OPCML: variants seen among roughly 807,000 people sequenced by gnomAD.
OPCML encodes opioid binding protein/cell adhesion molecule like.
OPCML carries 13 observed loss-of-function variants against 37.8 expected under a neutral mutation model. The observed-to-expected ratio is 0.34, with a 90% CI of 0.22 to 0.55. OPCML has a LOEUF of 0.55. OPCML is among the 20% of genes least tolerant of loss of function. The pLI is 0.91. For missense variants in OPCML, 341 were observed against 435.6 expected (o/e 0.78, Z 1.93); for synonymous variants, 176 against 168.8 (o/e 1.04, Z -0.33).
intron 1 of OPCML, among the ~76,000 whole-genome samples, chr11:133,125,291 A>C (rs1164709630): frequency 2.6e-5 from 4 of 152,216 alleles, no homozygotes; most frequent in South Asian, 2.1e-4. Context: ...AATCAAAGCC[A>C]TTCCCAGTGT....
At chr11:133,351,717 A>G (rs1944141508) in intron 1 of OPCML, among the ~76,000 whole-genome samples, 1 of 152,152 alleles carries the variant, frequency 6.6e-6, no homozygotes. Context: ...TTTCCTGAAC[A>G]CAAAATTCAT....
intron 7 of OPCML, among the ~76,000 whole-genome samples, chr11:132,427,999 G>A (rs929238635): frequency 1.3e-4 from 20 of 152,278 alleles, no homozygotes; most frequent in Non-Finnish European, 1.2e-4. Flanking sequence ...TTTAAATTGT[G>A]GAGTTGAAAA....
At chr11:132,456,481 G>A (rs1402620664) in intron 4 of OPCML, among the ~76,000 whole-genome samples, 3 of 152,162 alleles carry the variant, frequency 2.0e-5, no homozygotes, top group Admixed American at 6.5e-5. Flanking sequence ...AAATACCCTC[G>A]TGATCTGTCT....
At chr11:133,493,633 A>C (rs1445180862) in intron 1 of OPCML, among the ~76,000 whole-genome samples, 1 of 152,228 alleles carries the variant, frequency 6.6e-6, no homozygotes, top group Non-Finnish European at 1.5e-5. Context: ...AAAAAAAATA[A>C]GCATGCATTT....
chr11:133,500,673 G>A (rs1258648938), intron 1 of OPCML, among the ~76,000 whole-genome samples: 5 of 152,154 alleles, frequency 3.3e-5, no homozygotes, highest in East Asian at 3.9e-4. Flanking sequence ...TACCCGGCTC[G>A]AGTCCTCCTC....
chr11:133,087,105 G>C (rs1591989441), intron 1 of OPCML, among the ~76,000 whole-genome samples: 1 of 152,196 alleles, frequency 6.6e-6, no homozygotes, highest in African/African-American at 2.4e-5. Context: ...ACGAACTTAA[G>C]ACCCAAAGAG....
intron 1 of OPCML, chr11:133,118,406 G>C: frequency 5.1e-6 from 5 of 985,350 alleles, no homozygotes; most frequent in Non-Finnish European, 6.0e-6. Context: ...GTCAGGGCTG[G>C]CCTTCCTTTC....
rs554812876 is a variant in OPCML at position 132,976,136 on chromosome 11, G to T, written c.62-33126C>A. On this transcript the variant is annotated intron_variant, in intron 1 of 7. Transcript: ENST00000524381. The stretch of plus-strand genomic sequence containing the variant: ...AGGTGTTACTTATCTGGTCATGATA[G>T]AGTGGATCGTTGGAGGTGTATTTTA... Among the ~76,000 whole-genome samples the T allele has an allele frequency of 6.8e-4, 103 of 152,302 alleles. 1 individual carries two copies. In the South Asian group the frequency reaches 0.021, roughly 31 times the overall value.
At chr11:132,599,235 G>A (rs1007695647) in intron 3 of OPCML, among the ~76,000 whole-genome samples, 3 of 152,062 alleles carry the variant, frequency 2.0e-5, no homozygotes, top group Admixed American at 6.6e-5. Flanking sequence ...GCAGTAAGCC[G>A]AGATTGCACC....
At chr11:133,092,267 T>C (rs1303403895) in intron 1 of OPCML, among the ~76,000 whole-genome samples, 3 of 152,196 alleles carry the variant, frequency 2.0e-5, no homozygotes, top group Non-Finnish European at 4.4e-5. Context: ...TAAATGTCTG[T>C]TGTTTATAAA....
At chr11:132,722,708 G>A (rs1944718413) in intron 2 of OPCML, among the ~76,000 whole-genome samples, 1 of 152,082 alleles carries the variant, frequency 6.6e-6, no homozygotes, top group Non-Finnish European at 1.5e-5. Flanking sequence ...GCAGTAGGAG[G>A]GAGACCCGTG....
At chr11:132,584,199 A>G (rs993506495) in intron 3 of OPCML, among the ~76,000 whole-genome samples, 1 of 152,154 alleles carries the variant, frequency 6.6e-6, no homozygotes, top group Non-Finnish European at 1.5e-5. Context: ...ATTAACAGAT[A>G]TCAAGTAGAG....
intron 6 of OPCML, 185 bp from the exon 7 acceptor site, chr11:132,436,422 C>G: frequency 3.1e-6 from 3 of 968,060 alleles, no homozygotes; most frequent in Non-Finnish European, 3.7e-6. Context: ...TAATTCCCAA[C>G]GACTGACATG....
chr11:132,491,853 G>A (rs1197382142), intron 4 of OPCML, among the ~76,000 whole-genome samples: 1 of 151,760 alleles, frequency 6.6e-6, no homozygotes, highest in African/African-American at 2.4e-5. Context: ...GACAAATTAT[G>A]CAGTATAAAG....
intron 2 of OPCML, among the ~76,000 whole-genome samples, chr11:132,806,280 T>C (rs148905852): frequency 3.3e-5 from 5 of 152,072 alleles, no homozygotes; most frequent in Non-Finnish European, 5.9e-5. Flanking sequence ...TTACATGAAA[T>C]GTGAAGGGAT....
intron 2 of OPCML, 132 bp downstream of exon 2, chr11:132,942,794 C>T (rs1271032691): frequency 8.6e-7 from 1 of 1,156,140 alleles, no homozygotes; most frequent in East Asian, 2.4e-5. Context: ...AGCACGCAAG[C>T]GGGCGCCCCT....
At chr11:132,873,938 T>C (rs746284258) in intron 2 of OPCML, among the ~76,000 whole-genome samples, 4 of 152,128 alleles carry the variant, frequency 2.6e-5, no homozygotes, top group Non-Finnish European at 4.4e-5. Context: ...ATATAGCAAA[T>C]TTACCTCTCT....
At chr11:132,612,753 G>T in intron 3 of OPCML, among the ~76,000 whole-genome samples, 1 of 152,198 alleles carries the variant, frequency 6.6e-6, no homozygotes, top group Admixed American at 6.5e-5. Context: ...GCTGAGAGAA[G>T]TGCCTCACTC....
At chr11:133,170,851 T>C (rs995924862) in intron 1 of OPCML, among the ~76,000 whole-genome samples, 7 of 151,990 alleles carry the variant, frequency 4.6e-5, no homozygotes, top group African/African-American at 1.7e-4. Context: ...AGGCAACTTG[T>C]CCCCCCAAAA....
Sources: allele counts gnomAD v4.1 joint callset (sites outside exome capture counted in the v4.1 genomes callset), GRCh38; gene constraint gnomAD v4.1.1; transcripts MANE v1.5; gene names NCBI Gene and HGNC (gene_info 2026-07-23, HGNC 2026-07-21).